Variants in SNTG1 observed in about 807,000 individuals in gnomAD.
SNTG1 encodes the protein gamma-1-syntrophin.
SNTG1 carries 39 observed loss-of-function variants against 74.7 expected under a neutral mutation model. That is an observed-to-expected ratio of 0.52 (90% CI 0.40 to 0.68). SNTG1 has a LOEUF of 0.68. SNTG1 is among the 30% of genes least tolerant of loss of function. The pLI is 0.00. For synonymous variants in SNTG1, 254 were observed against 217.1 expected (o/e 1.17, Z -1.49); for missense variants, 685 against 609.5 (o/e 1.12, Z -1.30).
chr8:50,672,905 G>A (rs1242766404), intron 15 of SNTG1, among the ~76,000 whole-genome samples: 1 of 152,124 alleles, frequency 6.6e-6, no homozygotes, highest in Admixed American at 6.6e-5. Flanking sequence ...TTCTGCAAAT[G>A]GCTCACCAGT....
At chr8:50,780,898 A>G (rs1002680960) in intron 18 of SNTG1, among the ~76,000 whole-genome samples, 155 of 152,174 alleles carry the variant, frequency 1.0e-3, no homozygotes, top group Middle Eastern at 3.4e-3. Flanking sequence ...ATTCTGGTAT[A>G]TTGTGTCTTT....
intron 15 of SNTG1, among the ~76,000 whole-genome samples, chr8:50,675,558 C>A (rs1585488964): frequency 6.6e-6 from 1 of 151,932 alleles, no homozygotes; most frequent in Non-Finnish European, 1.5e-5. Context: ...TGTCTTTGCA[C>A]ATGAGATGGT....
chr8:50,682,800 T>A (rs1206734953), intron 15 of SNTG1, among the ~76,000 whole-genome samples: 2 of 152,104 alleles, frequency 1.3e-5, no homozygotes, highest in Non-Finnish European at 2.9e-5. Context: ...ACCCAATAAC[T>A]CAGACCAATT....
intron 12 of SNTG1, among the ~76,000 whole-genome samples, chr8:50,572,275 T>TATAGAGAGAGAG (rs567247331): frequency 2.0e-5 from 3 of 148,310 alleles, no homozygotes; most frequent in African/African-American, 7.5e-5. Flanking sequence ...TATATATATA[T>TATAGAGAGAGAG]AGAGAGAGAG....
intron 15 of SNTG1, among the ~76,000 whole-genome samples, chr8:50,660,133 C>T (rs1056032751): frequency 6.6e-6 from 1 of 151,406 alleles, no homozygotes; most frequent in African/African-American, 2.4e-5. Context: ...AGCCACCGCG[C>T]CAGGGCGAAC....
intron 1 of SNTG1, among the ~76,000 whole-genome samples, chr8:49,976,859 T>A (rs1812240712): frequency 6.6e-6 from 1 of 152,162 alleles, no homozygotes; most frequent in Admixed American, 6.5e-5. Context: ...AATGGCATGC[T>A]TTCTTTGATT....
intron 2 of SNTG1, among the ~76,000 whole-genome samples, chr8:50,353,794 A>G (rs2091739483): frequency 1.3e-5 from 2 of 152,254 alleles, no homozygotes; most frequent in Admixed American, 1.3e-4. Context: ...TGGTGCTTTA[A>G]ATAAAAATGT....
chr8:50,045,421 A>G (rs1434985802), intron 1 of SNTG1, among the ~76,000 whole-genome samples: 1 of 152,110 alleles, frequency 6.6e-6, no homozygotes, highest in East Asian at 1.9e-4. Context: ...AACCAATCTC[A>G]TGAAGACTTA....
chr8:50,445,167 A>G (rs2093395140), intron 5 of SNTG1, among the ~76,000 whole-genome samples: 1 of 152,214 alleles, frequency 6.6e-6, no homozygotes, highest in Non-Finnish European at 1.5e-5. Context: ...CCAAAATCAA[A>G]CGAAGTATGT....
At chr8:50,052,550 G>T (rs368264942) in intron 1 of SNTG1, among the ~76,000 whole-genome samples, 110 of 151,990 alleles carry the variant, frequency 7.2e-4, no homozygotes, top group African/African-American at 2.5e-3. Flanking sequence ...AAATCACAAG[G>T]AAAAAATTTA....
At chr8:50,115,576 A>AAAAAAAAAAAAAAAC in intron 1 of SNTG1, among the ~76,000 whole-genome samples, 1 of 82,800 alleles carries the variant, frequency 1.2e-5, no homozygotes, top group Non-Finnish European at 2.7e-5. Context: ...TCAAAAAAAA[A>AAAAAAAAAAAAAAAC]AAAAAAAAAA....
intron 2 of SNTG1, among the ~76,000 whole-genome samples, chr8:50,333,812 A>T (rs1401939108): frequency 6.6e-6 from 1 of 152,218 alleles, no homozygotes; most frequent in Non-Finnish European, 1.5e-5. Flanking sequence ...CTCCAGAAAA[A>T]AATAAAAATC....
rs188321796 is a variant in SNTG1, at chr8:50,509,461, C to T, written c.466+6581C>T. 1.4e-3 allele frequency among the ~76,000 whole-genome samples: 211 copies of T among 151,972 alleles called. 1 individual carries two copies. The highest frequency in any genetic ancestry group is 4.5e-3 in the African/African-American group (188 of 41,486). ...TTTCCAATTCTGTGAAGAAACTCAT[C>T]GGTAGCTTGATGGGGATGGCATTGA... On this transcript the variant is annotated intron_variant, in intron 9 of 18. Transcript: ENST00000642720.
At chr8:50,240,339 T>C (rs995599802) in intron 2 of SNTG1, among the ~76,000 whole-genome samples, 2 of 152,216 alleles carry the variant, frequency 1.3e-5, no homozygotes, top group African/African-American at 4.8e-5. Context: ...ACAGGCTGAA[T>C]TGCTTTTCTC....
At chr8:50,090,732 T>A (rs1214597926) in intron 1 of SNTG1, among the ~76,000 whole-genome samples, 1 of 152,080 alleles carries the variant, frequency 6.6e-6, no homozygotes, top group Non-Finnish European at 1.5e-5. Flanking sequence ...GCAGGGAAGA[T>A]GGGTACTTGG....
intron 13 of SNTG1, among the ~76,000 whole-genome samples, chr8:50,604,912 G>C (rs960997748): frequency 6.6e-6 from 1 of 152,140 alleles, no homozygotes; most frequent in South Asian, 2.1e-4. Flanking sequence ...TACGAACAAG[G>C]TATCCCTGCA....
intron 15 of SNTG1, among the ~76,000 whole-genome samples, chr8:50,671,542 C>A (rs920279658): frequency 2.6e-5 from 4 of 152,074 alleles, no homozygotes; most frequent in African/African-American, 7.2e-5. Flanking sequence ...AGTCAGGAAA[C>A]AACAGGTGCT....
intron 8 of SNTG1, among the ~76,000 whole-genome samples, chr8:50,452,836 C>A (rs2093469331): frequency 6.6e-6 from 1 of 152,152 alleles, no homozygotes; most frequent in African/African-American, 2.4e-5. Flanking sequence ...AGCCAGTAGA[C>A]TTACACCTCA....
chr8:50,005,711 T>C (rs1815156406), intron 1 of SNTG1, among the ~76,000 whole-genome samples: 1 of 152,108 alleles, frequency 6.6e-6, no homozygotes. Flanking sequence ...GAAATTCAGA[T>C]ATAAAACCCT....
Sources: allele counts gnomAD v4.1 joint callset (sites outside exome capture counted in the v4.1 genomes callset), GRCh38; gene constraint gnomAD v4.1.1; transcripts MANE v1.5; gene names NCBI Gene and HGNC (gene_info 2026-07-23, HGNC 2026-07-21).